Variants in KRAS observed in about 807,000 individuals in gnomAD.
KRAS encodes KRas proto-oncogene, GTPase, also known as GTPase KRas.
In KRAS, 1 loss-of-function variant was observed where a neutral mutation model predicts 21.0. That is an observed-to-expected ratio of 0.05 (90% CI 0.02 to 0.23). The LOEUF is 0.23. Among genes scored for constraint, KRAS ranks in the 10% least tolerant of loss-of-function variants. KRAS has a pLI of 1.00. For synonymous variants in KRAS, 67 were observed against 72.5 expected (o/e 0.92, Z 0.39); for missense variants, 107 against 221.8 (o/e 0.48, Z 3.29).
intron 2 of KRAS, among the ~76,000 whole-genome samples, chr12:25,229,118 A>G (rs943376300): frequency 1.3e-5 from 2 of 152,140 alleles, no homozygotes; most frequent in Admixed American, 1.3e-4. Context: ...TGTTATGCAT[A>G]TTTTACCACA....
chr12:25,250,604 A>C (rs1951755158), intron 1 of KRAS, 147 bp downstream of exon 1: 2 of 159,358 alleles, frequency 1.3e-5, no homozygotes, highest in Non-Finnish European at 1.4e-5. Flanking sequence ...GACCCCTCTC[A>C]CCCAGCCCGC....
intron 1 of KRAS, among the ~76,000 whole-genome samples, chr12:25,248,888 T>C (rs4368021): frequency 0.23 from 34,523 of 152,192 alleles, 3,992 homozygotes; most frequent in Middle Eastern, 0.32. Flanking sequence ...AAGTAAACTA[T>C]TGTTAGCAAC....
Position 25,225,694 on chromosome 12 carries a change from T to A in KRAS, c.370A>T (p.Thr124Ser), listed in dbSNP as rs575569675. 6.2e-7 allele frequency: 1 copy of A among 1,613,290 alleles called. No homozygotes were observed. Among genetic ancestry groups the A allele is most frequent in the Admixed American group, 1.7e-5 (1 of 60,006 alleles). The part of the protein sequence containing the change: ...VGNKCDLPSR[T>S]VDTKQAQDLA... The stretch of plus-strand genomic sequence containing the variant: ...TCCTGAGCCTGTTTTGTGTCTACTG[T>A]TCTAGAAGGCAAATCACATTTATTT... The change falls in exon 4 of 5, where the codon ACA (threonine) becomes TCA (serine). Residue 124 changes from threonine (T) to serine (S), a missense_variant. By Grantham distance (58) the Thr-to-Ser change is moderately conservative. Coordinates refer to ENST00000311936, the MANE Select transcript of KRAS (RefSeq NM_004985.5).
intron 4 of KRAS, among the ~76,000 whole-genome samples, chr12:25,221,024 C>CAAAA (rs67015511): frequency 3.5e-3 from 296 of 84,688 alleles, no homozygotes; most frequent in Middle Eastern, 0.014. Flanking sequence ...GACTCTGCCT[C>CAAAA]AAAAAAAAAA....
chr12:25,208,751 G>A lies in KRAS; in HGVS notation c.*1044C>T. ...GGATGACCGTGGGGACACAGTCCAT[G>A]CTGTGAAACTCTCTATGAAAGCTCA... On this transcript the variant is annotated 3_prime_UTR_variant, in exon 5 of 5. Transcript: ENST00000311936. 4.3e-6 allele frequency: 1 copy of A among 233,070 alleles called. No individual in the cohort carries two copies. Among genetic ancestry groups the A allele is most frequent in the Non-Finnish European group, 8.5e-6 (1 of 118,120 alleles). The allele number at this position is 233,070 out of a possible 1,614,324, so 14.4% of individuals were successfully genotyped here.
At chr12:25,245,926 T>C (rs964088147) in intron 1 of KRAS, among the ~76,000 whole-genome samples, 6 of 152,122 alleles carry the variant, frequency 3.9e-5, no homozygotes, top group Admixed American at 2.6e-4. Context: ...CTTGGATAAA[T>C]ATTAACAGTA....
At position 25,225,684 on chromosome 12, in the gene KRAS, G is replaced by C. The variant is rs781634879; in HGVS notation, c.380C>G (p.Thr127Arg). The C allele has an allele frequency of 6.2e-7, 1 of 1,613,142 alleles. No homozygotes were observed. Among genetic ancestry groups the C allele is most frequent in the South Asian group, 1.1e-5 (1 of 91,062 alleles). Residue 127 changes from threonine to arginine, a missense_variant, in exon 4 of 5, where the codon ACA becomes AGA. By Grantham distance (71) the Thr-to-Arg change is moderately conservative. Transcript: ENST00000311936. ...KCDLPSRTVD[T>R]KQAQDLARSY... ...TCTTGCTAAGTCCTGAGCCTGTTTT[G>C]TGTCTACTGTTCTAGAAGGCAAATC... is the stretch of plus-strand genomic sequence containing the variant.
At chr12:25,246,127 G>A (rs536498868) in intron 1 of KRAS, among the ~76,000 whole-genome samples, 3 of 121,242 alleles carry the variant, frequency 2.5e-5, no homozygotes, top group Admixed American at 1.0e-4. Context: ...CCAGCCTGGC[G>A]ATAGAGCAAG....
At position 25,225,822 on chromosome 12, in the gene KRAS, CT is replaced by C. The variant is rs761148378; in HGVS notation, c.291-50del. 3.9e-6 allele frequency: 6 copies of C among 1,540,106 alleles called. No homozygotes were observed. In the South Asian group the frequency reaches 6.8e-5, roughly 17 times the overall value. ...GCACAGTCATTAGTAACACAAATATCTTTCAAAACCTGTCCACAACTTTTGT... is the reference window on the plus strand; with the variant it reads ...GCACAGTCATTAGTAACACAAATATCTTCAAAACCTGTCCACAACTTTTGT... On this transcript the variant is annotated intron_variant, in intron 3 of 4. Coordinates refer to ENST00000311936, the MANE Select transcript of KRAS (RefSeq NM_004985.5).
intron 1 of KRAS, among the ~76,000 whole-genome samples, chr12:25,247,222 G>GA (rs1362151538): frequency 2.6e-5 from 4 of 152,142 alleles, no homozygotes; most frequent in Non-Finnish European, 5.9e-5. Flanking sequence ...CCAAATTAAT[G>GA]AATGTGCATA....
In KRAS at chr12:25,206,768, G is replaced by C. The variant is rs2141477831; in HGVS notation, c.*3027C>G. 5.1e-6 allele frequency: 1 copy of C among 196,200 alleles called. No homozygotes were observed. Among genetic ancestry groups the C allele is most frequent in the South Asian group, 1.9e-4 (1 of 5,172 alleles). 12.2% of individuals were successfully genotyped at this position (196,200 alleles called of 1,614,324 possible). A position where few individuals can be genotyped will look rare whatever the true frequency, so the allele number is the denominator to read the frequency against. ...TTTCCTTGTCTGTGAACTAGTTCAG[G>C]CACCTGTTTATTTGTACCCAGATAA... On this transcript the variant is annotated 3_prime_UTR_variant, in exon 5 of 5. Coordinates refer to ENST00000311936, the MANE Select transcript of KRAS (RefSeq NM_004985.5).
At chr12:25,241,616 C>A (rs1951610884) in intron 2 of KRAS, among the ~76,000 whole-genome samples, 1 of 152,168 alleles carries the variant, frequency 6.6e-6, no homozygotes, top group Admixed American at 6.5e-5. Context: ...GTTAACATAT[C>A]AAGGTTTGGA....
chr12:25,240,205 TAAC>T (rs1379039034), intron 2 of KRAS, among the ~76,000 whole-genome samples: 1 of 152,180 alleles, frequency 6.6e-6, no homozygotes. Context: ...AACTGTTCCA[TAAC>T]CTACACATTA....
At chr12:25,250,518 A>C (rs1024538567) in intron 1 of KRAS, among the ~76,000 whole-genome samples, 2 of 151,976 alleles carry the variant, frequency 1.3e-5, no homozygotes, top group African/African-American at 4.8e-5. Context: ...GACCGCCTCC[A>C]GCCTCACCCT....
intron 2 of KRAS, 101 bp downstream of exon 2, chr12:25,245,173 A>G (rs771047137): frequency 4.9e-5 from 62 of 1,254,032 alleles, no homozygotes; most frequent in Non-Finnish European, 6.2e-5. Context: ...TTTCAGCATA[A>G]TTATCTTGTA....
chr12:25,234,772 C>G lies in KRAS; in HGVS notation c.112-7360G>C, dbSNP rs7314990. The G allele has an allele frequency of 3.3e-3, 648 of 195,662 alleles. 7 individuals are homozygous for G. Among genetic ancestry groups the G allele is most frequent in the African/African-American group, 0.014 (614 of 43,342 alleles). 12.1% of individuals were successfully genotyped at this position (195,662 alleles called of 1,614,324 possible). On this transcript the variant is annotated intron_variant, in intron 2 of 4. Transcript: ENST00000311936. ...GTCATTTTTCCATTATAATTAATAA[C>G]TAAATTATTCAGTGTGTTCACCTTT...
chr12:25,235,608 C>T (rs916503352), intron 2 of KRAS, among the ~76,000 whole-genome samples: 3 of 152,064 alleles, frequency 2.0e-5, no homozygotes, highest in Admixed American at 6.5e-5. Context: ...ATATGCAAGA[C>T]GAAGTACAAT....
chr12:25,226,472 A>T (rs1003273605), intron 3 of KRAS, among the ~76,000 whole-genome samples: 3 of 152,156 alleles, frequency 2.0e-5, no homozygotes, highest in African/African-American at 7.2e-5. Flanking sequence ...AATAGAGCTG[A>T]AATTTGGTAA....
intron 2 of KRAS, among the ~76,000 whole-genome samples, chr12:25,241,975 TA>T (rs1356308714): frequency 6.6e-6 from 1 of 152,292 alleles, no homozygotes; most frequent in East Asian, 1.9e-4. Flanking sequence ...TTTCTCTCTA[TA>T]ATCTACATAC....
Sources: gnomAD v4.1 joint callset for allele counts (sites outside exome capture counted in the v4.1 genomes callset) on GRCh38, gnomAD v4.1.1 for gene constraint, MANE v1.5 for transcripts, NCBI Gene and HGNC (gene_info 2026-07-23, HGNC 2026-07-21) for gene names.